DMD: variants seen among roughly 807,000 people sequenced by gnomAD.
DMD encodes dystrophin.
Under a neutral mutation model 330.1 loss-of-function variants are expected in DMD, and 63 were observed. The ratio of observed to expected loss-of-function variants is 0.19; its 90% CI spans 0.16 to 0.24. DMD has a LOEUF of 0.24. DMD is among the 10% of genes least tolerant of loss of function. The pLI is 1.00. For missense variants in DMD, 3,344 were observed against 2,684.1 expected (o/e 1.25, Z -5.43); for synonymous variants, 1,223 against 959.8 (o/e 1.27, Z -5.07).
At chrX:31,590,166 TA>T (rs370850067) in intron 55 of DMD, among the ~76,000 whole-genome samples, 4 of 105,884 alleles carry the variant, frequency 3.8e-5, no homozygotes, top group South Asian at 4.0e-4. Context: ...GTAAACTAAG[TA>T]AAAAAAAAAG....
At chrX:31,275,266 A>G (rs1315725878) in intron 62 of DMD, among the ~76,000 whole-genome samples, 1 of 110,465 alleles carries the variant, frequency 9.1e-6, no homozygotes, top group African/African-American at 3.3e-5. Context: ...AATCGCTCAT[A>G]TTAATAATTT....
chrX:31,142,396 T>G (rs1283502033), intron 76 of DMD, among the ~76,000 whole-genome samples: 1 of 111,746 alleles, frequency 8.9e-6, no homozygotes, highest in Non-Finnish European at 1.9e-5. Context: ...ATACAGTATA[T>G]AAAAATATGT....
rs1363791645 is a variant in DMD, at chrX:31,135,926, A to C, written c.10922-1732T>G. 2.7e-5 allele frequency among the ~76,000 whole-genome samples: 3 copies of C among 111,732 alleles called. No individual in the cohort carries two copies. In the South Asian group the frequency reaches 1.1e-3, roughly 43 times the overall value. ...CGGAAGCCAGTGACTAAATGACTTA[A>C]ATATGCTTCTCATTCCCTTTGGTCT... On this transcript the variant is annotated intron_variant, in intron 76 of 78. Coordinates refer to ENST00000357033, the MANE Select transcript of DMD (RefSeq NM_004006.3).
chrX:32,745,719 G>A (rs771649933), intron 7 of DMD, among the ~76,000 whole-genome samples: 1 of 111,885 alleles, frequency 8.9e-6, no homozygotes, highest in Admixed American at 9.5e-5. Flanking sequence ...AAGTTTTCTC[G>A]AGGTAGTCAT....
chrX:32,675,343 C>G (rs964155236), intron 9 of DMD, among the ~76,000 whole-genome samples: 4 of 111,263 alleles, frequency 3.6e-5, no homozygotes, highest in African/African-American at 1.3e-4. Flanking sequence ...GTAATATCAT[C>G]TGAATCTCTT....
chrX:33,229,869 C>A, intron 1 of DMD, among the ~76,000 whole-genome samples: 1 of 112,191 alleles, frequency 8.9e-6, no homozygotes, highest in African/African-American at 3.2e-5. Flanking sequence ...GACATCTTTA[C>A]CATGTTGAGT....
chrX:31,296,975 G>A (rs962746070), intron 62 of DMD, among the ~76,000 whole-genome samples: 2 of 111,564 alleles, frequency 1.8e-5, no homozygotes, highest in African/African-American at 3.3e-5. Context: ...CATTTATAGA[G>A]TAACCTACTC....
intron 63 of DMD, among the ~76,000 whole-genome samples, chrX:31,242,010 A>T (rs985058851): frequency 1.8e-5 from 2 of 110,557 alleles, no homozygotes; most frequent in Non-Finnish European, 3.8e-5. Context: ...TAATCCCAGC[A>T]CTTTAGGAAG....
At chrX:32,262,249 C>T (rs780308616) in intron 43 of DMD, among the ~76,000 whole-genome samples, 2 of 111,609 alleles carry the variant, frequency 1.8e-5, no homozygotes, top group African/African-American at 6.5e-5. Flanking sequence ...GAAGGCAGAC[C>T]AGAAATAAGG....
chrX:32,843,369 G>A (rs2080345496), intron 4 of DMD, among the ~76,000 whole-genome samples: 1 of 111,603 alleles, frequency 9.0e-6, no homozygotes, highest in African/African-American at 3.3e-5. Context: ...AGAGTCCATC[G>A]GACTAATAAA....
intron 29 of DMD, among the ~76,000 whole-genome samples, chrX:32,421,460 T>C (rs994492014): frequency 9.0e-6 from 1 of 111,437 alleles, no homozygotes; most frequent in Non-Finnish European, 1.9e-5. Context: ...TCCTTCTGCT[T>C]TCGAAACATT....
At chrX:32,401,722 A>T (rs2098087282) in intron 30 of DMD, among the ~76,000 whole-genome samples, 1 of 112,311 alleles carries the variant, frequency 8.9e-6, no homozygotes, top group South Asian at 3.6e-4. Context: ...GTACAACTGA[A>T]TTTTTTATAT....
At chrX:31,906,391 G>C (rs1172142243) in intron 47 of DMD, among the ~76,000 whole-genome samples, 3 of 112,143 alleles carry the variant, frequency 2.7e-5, no homozygotes, top group African/African-American at 6.5e-5. Context: ...AGGTCTTGTA[G>C]ATGATACCAA....
intron 61 of DMD, among the ~76,000 whole-genome samples, chrX:31,342,697 AATAT>A (rs1442302107): frequency 8.9e-6 from 1 of 112,112 alleles, no homozygotes; most frequent in East Asian, 2.8e-4. Context: ...CCTTTACCCA[AATAT>A]ATAGTGATCT....
intron 2 of DMD, among the ~76,000 whole-genome samples, chrX:32,966,386 A>T (rs1264363503): frequency 1.8e-5 from 2 of 111,353 alleles, no homozygotes; most frequent in African/African-American, 3.3e-5. Flanking sequence ...AGGAGTCCCA[A>T]GTACACCTTG....
rs181557703 is a variant in DMD, at chrX:32,359,687, G to A, written c.5325+3101C>T. 9.7e-3 allele frequency among the ~76,000 whole-genome samples: 1,075 copies of A among 111,143 alleles called. 8 individuals carry two copies. Among genetic ancestry groups the A allele is most frequent in the Non-Finnish European group, 0.016 (869 of 53,028 alleles). ...GTAATCAACAAAAGATTACTGAATA[G>A]CCAAATTTTAGAACGAGCAGGGATT... On this transcript the variant is annotated intron_variant, in intron 37 of 78. Transcript: ENST00000357033.
At chrX:32,801,125 C>T (rs985286034) in intron 7 of DMD, among the ~76,000 whole-genome samples, 1 of 111,675 alleles carries the variant, frequency 9.0e-6, no homozygotes, top group Non-Finnish European at 1.9e-5. Context: ...AATGTTTGAA[C>T]TAATTTACAC....
chrX:32,944,600 T>C (rs1306713707), intron 2 of DMD, among the ~76,000 whole-genome samples: 1 of 101,512 alleles, frequency 9.9e-6, no homozygotes, highest in Non-Finnish European at 2.0e-5. Flanking sequence ...GTATAGACTT[T>C]TAGTAGATTT....
In DMD at chrX:32,940,421, GCAAAAA is replaced by G. The variant is rs939211172; in HGVS notation, c.93+79712_93+79717del. On this transcript the variant is annotated intron_variant, in intron 2 of 78. Transcript: ENST00000357033. ...CAATTTTTATAACATTTAAATAAGAGCAAAAACAAAAACAAAAACAGCATGGTACTG... is the reference window on the plus strand; with the variant it reads ...CAATTTTTATAACATTTAAATAAGAGCAAAAACAAAAACAGCATGGTACTG... 7.0e-4 allele frequency among the ~76,000 whole-genome samples: 77 copies of G among 110,737 alleles called. 1 individual carries two copies. The highest frequency in any genetic ancestry group is 2.5e-3 in the African/African-American group (75 of 30,501).
Sources: allele counts gnomAD v4.1 joint callset (sites outside exome capture counted in the v4.1 genomes callset), GRCh38; gene constraint gnomAD v4.1.1; transcripts MANE v1.5; gene names NCBI Gene and HGNC (gene_info 2026-07-23, HGNC 2026-07-21).